The following KNOP1 variants were observed in gnomAD, a reference collection of about 807,000 sequenced individuals.
KNOP1 encodes the protein lysine-rich nucleolar protein 1.
Under a neutral mutation model 30.6 loss-of-function variants are expected in KNOP1, and 20 were observed. The ratio of observed to expected loss-of-function variants is 0.65; its 90% CI spans 0.46 to 0.95. The LOEUF is 0.95. Ranked by LOEUF, KNOP1 falls within the 40% of genes least tolerant of loss-of-function variation. The pLI is 0.00. For synonymous variants in KNOP1, 204 were observed against 210.0 expected, an observed-to-expected ratio of 0.97 and a Z score of 0.25; for missense variants, 540 against 562.0, an observed-to-expected ratio of 0.96 and a Z score of 0.40.
In KNOP1 at chr16:19,714,789, C is replaced by G. The variant is rs746730360; in HGVS notation, c.247G>C (p.Glu83Gln). Residue 83 changes from glutamate to glutamine, a missense_variant, in exon 2 of 5, where the codon GAA becomes CAA. Coordinates refer to ENST00000219837, the MANE Select transcript of KNOP1 (RefSeq NM_001012991.3). Reference sequence around the variant, plus strand: ...CTAGCAGGCAGCGTGGTCTCAGGTTCTACATGCTCCTCGCAAAGGGTGCTG... The same window carrying G: ...CTAGCAGGCAGCGTGGTCTCAGGTTGTACATGCTCCTCGCAAAGGGTGCTG... ...GVSTLCEEHV[E>Q]PETTLPARRT... The G allele has an allele frequency of 6.2e-7, 1 of 1,614,196 alleles. No homozygotes were observed. Among genetic ancestry groups the G allele is most frequent in the Non-Finnish European group, 8.5e-7 (1 of 1,180,038 alleles).
At chr16:19,715,984 G>C (rs1473112135) in intron 1 of KNOP1, among the ~76,000 whole-genome samples, 1 of 152,148 alleles carries the variant, frequency 6.6e-6, no homozygotes, top group Non-Finnish European at 1.5e-5. Flanking sequence ...GATCATGGGA[G>C]GGAAAGGAAA....
At position 19,706,960 on chromosome 16, in the gene KNOP1, T is replaced by C; in HGVS notation, c.1327A>G (p.Ile443Val). The change falls in exon 5 of 5, where the codon ATC becomes GTC. Residue 443 changes from isoleucine (I) to valine (V), a missense_variant. Transcript: ENST00000219837. ...GLGFSTAPNK[I>V]FYIDRNASKS... The stretch of plus-strand genomic sequence containing the variant: ...GAAGCGTTCCTGTCAATGTAAAAGA[T>C]CTTGTTGGGGGCGGTGGAGAAGCCG... The C allele has an allele frequency of 6.2e-7, 1 of 1,613,442 alleles. No individual in the cohort carries two copies. Among genetic ancestry groups the C allele is most frequent in the Admixed American group, 1.7e-5 (1 of 60,004 alleles).
chr16:19,710,161 T>C, intron 4 of KNOP1: 1 of 351,924 alleles, frequency 2.8e-6, no homozygotes, highest in Admixed American at 3.7e-5. Flanking sequence ...CTTGTCCCTG[T>C]TCCTAGCAGC....
intron 2 of KNOP1, 75 bp from the exon 3 acceptor site, chr16:19,711,515 G>A (rs1466870202): frequency 6.9e-7 from 1 of 1,447,224 alleles, no homozygotes; most frequent in African/African-American, 1.4e-5. Context: ...CAGCCAGGGT[G>A]AGACCATGAC....
intron 4 of KNOP1, 92 bp from the exon 5 acceptor site, chr16:19,707,313 A>G: frequency 1.0e-6 from 1 of 975,956 alleles, no homozygotes. Context: ...GGCCCAGCAG[A>G]TTAGATGGCT....
chr16:19,703,755 G>A lies in KNOP1; in HGVS notation c.*3155C>T, dbSNP rs1219748779. 6.6e-6 allele frequency: 1 copy of A among 152,156 alleles called. No individual in the cohort carries two copies. The highest frequency in any genetic ancestry group is 2.4e-5 in the African/African-American group (1 of 41,414). 9.4% of individuals were successfully genotyped at this position (152,156 alleles called of 1,614,324 possible). A position where few individuals can be genotyped will look rare whatever the true frequency, so the allele number is the denominator to read the frequency against. The stretch of plus-strand genomic sequence containing the variant: ...TGGGGTCCTGCTCATCTGAGAGATG[G>A]TGATCTGCACTGGCAGAAAGCAAAA... On this transcript the variant is annotated 3_prime_UTR_variant, in exon 5 of 5. Coordinates refer to ENST00000219837, the MANE Select transcript of KNOP1 (RefSeq NM_001012991.3).
chr16:19,705,248 C>T lies in KNOP1; in HGVS notation c.*1662G>A, dbSNP rs778259511. 1.4e-4 allele frequency: 66 copies of T among 455,946 alleles called. 2 individuals carry two copies. Among genetic ancestry groups the T allele is most frequent in the South Asian group, 9.9e-4 (64 of 64,562 alleles). The allele number at this position is 455,946 out of a possible 1,614,324, so 28.2% of individuals were successfully genotyped here. On this transcript the variant is annotated 3_prime_UTR_variant, in exon 5 of 5. Coordinates refer to ENST00000219837, the MANE Select transcript of KNOP1 (RefSeq NM_001012991.3). ...AGGCCCTAATCAGGCCTTCCTGCCACGTGAGACTGAACTTTCTGGCCATCG... is the reference window on the plus strand; with the variant it reads ...AGGCCCTAATCAGGCCTTCCTGCCATGTGAGACTGAACTTTCTGGCCATCG...
rs746169925 is a variant in KNOP1, at chr16:19,714,288, C to T, written c.748G>A (p.Val250Ile). The part of the protein sequence containing the change: ...RKGSKKKPVK[V>I]EAPEYIPISD... ...ATGGGGATGTATTCCGGAGCCTCAA[C>T]TTTGACTGGCTTCTTTTTACTTCCT... The change falls in exon 2 of 5, where the codon GTT (valine) becomes ATT (isoleucine). Residue 250 changes from valine (V) to isoleucine (I), a missense_variant. Val to Ile is a conservative substitution (Grantham distance 29, BLOSUM62 3). Coordinates refer to ENST00000219837, the MANE Select transcript of KNOP1 (RefSeq NM_001012991.3). The T allele has an allele frequency of 1.4e-5, 23 of 1,614,042 alleles. No homozygotes were observed. The highest frequency in any genetic ancestry group is 1.8e-5 in the Non-Finnish European group (21 of 1,180,042).
chr16:19,711,246 C>T lies in KNOP1; in HGVS notation c.987+126G>A, dbSNP rs76657580. 8.5e-4 allele frequency: 753 copies of T among 888,210 alleles called. 8 individuals carry two copies. In the East Asian group the frequency reaches 0.014, roughly 17 times the overall value. 55.0% of individuals were successfully genotyped at this position (888,210 alleles called of 1,614,324 possible). On this transcript the variant is annotated intron_variant, in intron 3 of 4. Transcript: ENST00000219837. ...GGGAGGTGTGCGTTGGCAGCTGGCC[C>T]AGTGGCCTCTGGAGTCCCTGGTGCC...
In KNOP1 at chr16:19,718,210, G is replaced by A; in HGVS notation, c.-55C>T. 1 of 1,525,612 alleles carries A rather than the reference G, an allele frequency of 6.6e-7. No individual in the cohort carries two copies. The highest frequency in any genetic ancestry group is 2.5e-5 in the East Asian group (1 of 40,722). 94.5% of individuals were successfully genotyped at this position (1,525,612 alleles called of 1,614,324 possible). ...GTGAGAGCCAGCTCCGCCGTGACCC[G>A]GAAGTCCACTTCGAGTCGCCGGCCC... On this transcript the variant is annotated 5_prime_UTR_variant, in exon 1 of 5. Coordinates refer to ENST00000219837, the MANE Select transcript of KNOP1 (RefSeq NM_001012991.3).
rs1976370439 is a variant in KNOP1, at chr16:19,706,756, T to C, written c.*154A>G. On this transcript the variant is annotated 3_prime_UTR_variant, in exon 5 of 5. Coordinates refer to ENST00000219837, the MANE Select transcript of KNOP1 (RefSeq NM_001012991.3). ...AAACCATTTATGCCTAGTGTTCCAT[T>C]ACTGGAACGCTAAGCTTATGGGAGT... The C allele has an allele frequency of 1.3e-6, 1 of 768,746 alleles. No homozygotes were observed. Among genetic ancestry groups the C allele is most frequent in the Non-Finnish European group, 2.1e-6 (1 of 466,102 alleles). The allele number at this position is 768,746 out of a possible 1,614,324, so 47.6% of individuals were successfully genotyped here. A position where few individuals can be genotyped will look rare whatever the true frequency, so the allele number is the denominator to read the frequency against.
intron 4 of KNOP1, among the ~76,000 whole-genome samples, chr16:19,708,017 C>T (rs1041605110): frequency 1.4e-5 from 2 of 147,176 alleles, no homozygotes; most frequent in Non-Finnish European, 3.0e-5. Context: ...CAAGACAGCA[C>T]ACCTCCCCCA....
intron 2 of KNOP1, 100 bp from the exon 3 acceptor site, chr16:19,711,540 A>C (rs994721290): frequency 4.1e-5 from 45 of 1,108,792 alleles, no homozygotes; most frequent in Non-Finnish European, 5.6e-5. Flanking sequence ...TCCAGAAAAG[A>C]CCTCAGACCA....
intron 1 of KNOP1, among the ~76,000 whole-genome samples, chr16:19,715,573 T>G (rs558169289): frequency 4.0e-5 from 6 of 151,896 alleles, no homozygotes; most frequent in Admixed American, 2.0e-4. Context: ...CCCGTGATCA[T>G]GCCCAGCTAA....
In KNOP1 at chr16:19,710,474, G is replaced by C. The variant is rs1462729809; in HGVS notation, c.1065+35C>G. The C allele has an allele frequency of 4.4e-6, 7 of 1,606,942 alleles. No homozygotes were observed. Among genetic ancestry groups the C allele is most frequent in the African/African-American group, 1.3e-5 (1 of 74,816 alleles). On this transcript the variant is annotated intron_variant, in intron 4 of 4. Coordinates refer to ENST00000219837, the MANE Select transcript of KNOP1 (RefSeq NM_001012991.3). ...GGGGAAGCGTCGGGAGGCCGAGCGT[G>C]CCACCTCCTCGCAGAGCCCTAGCCC...
chr16:19,718,087 C>T (rs1977292631), intron 1 of KNOP1, 71 bp downstream of exon 1: 9 of 1,427,028 alleles, frequency 6.3e-6, no homozygotes, highest in Non-Finnish European at 8.2e-6. Context: ...CCATCTTCCC[C>T]GCCGCGCACT....
intron 2 of KNOP1, 78 bp downstream of exon 2, chr16:19,714,040 C>T: frequency 3.2e-6 from 4 of 1,268,312 alleles, no homozygotes; most frequent in Non-Finnish European, 4.4e-6. Flanking sequence ...TACAAACATG[C>T]ACACACGCCT....
At chr16:19,717,580 C>T (rs1007844917) in intron 1 of KNOP1, 12 of 985,364 alleles carry the variant, frequency 1.2e-5, no homozygotes, top group Middle Eastern at 5.2e-4. Flanking sequence ...ATAGCATCCT[C>T]CTCTTTAGCC....
intron 4 of KNOP1, among the ~76,000 whole-genome samples, chr16:19,707,587 C>T (rs1976449331): frequency 6.6e-6 from 1 of 151,552 alleles, no homozygotes; most frequent in South Asian, 2.1e-4. Flanking sequence ...CACAGTGTGC[C>T]TCACTTCACA....
Sources: allele counts gnomAD v4.1 joint callset (sites outside exome capture counted in the v4.1 genomes callset), GRCh38; gene constraint gnomAD v4.1.1; transcripts MANE v1.5; gene names NCBI Gene and HGNC (gene_info 2026-07-23, HGNC 2026-07-21).